RAPGEF2: variants seen among roughly 807,000 people sequenced by gnomAD.
RAPGEF2 encodes PDZ domain containing guanine nucleotide exchange factor (GEF) 1.
A neutral mutation model predicts 186.7 loss-of-function variants in RAPGEF2; 54 were observed. That is an observed-to-expected ratio of 0.29 (90% CI 0.23 to 0.36). RAPGEF2 has a LOEUF of 0.36. Ranked by LOEUF, RAPGEF2 falls within the 10% of genes least tolerant of loss-of-function variation. The pLI, the probability that RAPGEF2 is intolerant of heterozygous loss-of-function variation, is 1.00. For synonymous variants in RAPGEF2, 712 were observed against 705.9 expected (o/e 1.01, Z -0.14); for missense variants, 1,532 against 2,045.0 (o/e 0.75, Z 4.84).
intron 1 of RAPGEF2, among the ~76,000 whole-genome samples, chr4:159,172,373 T>TC (rs1415466563): frequency 1.3e-5 from 2 of 152,194 alleles, no homozygotes; most frequent in Non-Finnish European, 2.9e-5. Flanking sequence ...TGGGAACCGT[T>TC]CTCCTACCTT....
At chr4:159,315,425 T>A (rs1764456449) in intron 9 of RAPGEF2, among the ~76,000 whole-genome samples, 1 of 152,128 alleles carries the variant, frequency 6.6e-6, no homozygotes, top group Non-Finnish European at 1.5e-5. Context: ...CCTAGTACCC[T>A]GTAGGGACCA....
chr4:159,227,393 T>G (rs1752154820), intron 4 of RAPGEF2, among the ~76,000 whole-genome samples: 1 of 152,276 alleles, frequency 6.6e-6, no homozygotes, highest in South Asian at 2.1e-4. Flanking sequence ...AGCTTCCTTG[T>G]CTATACAACT....
chr4:159,252,133 G>A (rs1417175403), intron 7 of RAPGEF2, among the ~76,000 whole-genome samples: 1 of 152,010 alleles, frequency 6.6e-6, no homozygotes, highest in Non-Finnish European at 1.5e-5. Context: ...CACCAATTCC[G>A]GAGACACAAC....
At chr4:159,162,523 G>C (rs915079293) in intron 1 of RAPGEF2, among the ~76,000 whole-genome samples, 1 of 152,024 alleles carries the variant, frequency 6.6e-6, no homozygotes, top group Non-Finnish European at 1.5e-5. Flanking sequence ...ATTCAGGTTT[G>C]TTGTATATAT....
chr4:159,112,001 C>A (rs549414696), intron 1 of RAPGEF2, among the ~76,000 whole-genome samples: 1 of 152,334 alleles, frequency 6.6e-6, no homozygotes, highest in Admixed American at 6.5e-5. Context: ...CCCACCCCAC[C>A]TCTGGGGATC....
intron 26 of RAPGEF2, chr4:159,351,302 C>CA: frequency 1.1e-6 from 1 of 895,496 alleles, no homozygotes; most frequent in Non-Finnish European, 1.5e-6. Context: ...TTTTCTGAAA[C>CA]TTTTTTTTTT....
Position 159,253,180 on chromosome 4 carries a change from T to C in RAPGEF2, c.543+9389T>C, listed in dbSNP as rs532966807. ...AACAGCTTTCAAAAATAAATGTGGGTGTTCTTTCAAAGACTGCACCAAAAT... is the reference window on the plus strand; with the variant it reads ...AACAGCTTTCAAAAATAAATGTGGGCGTTCTTTCAAAGACTGCACCAAAAT... On this transcript the variant is annotated intron_variant, in intron 7 of 29. Transcript: ENST00000691494. 9.2e-5 allele frequency among the ~76,000 whole-genome samples: 14 copies of C among 152,314 alleles called. No homozygotes were observed. The South Asian group carries it at 2.7e-3, about 29-fold the overall frequency.
intron 7 of RAPGEF2, among the ~76,000 whole-genome samples, chr4:159,246,714 A>C (rs1230157906): frequency 1.3e-5 from 2 of 152,192 alleles, no homozygotes; most frequent in Admixed American, 6.5e-5. Flanking sequence ...TTATGTTCTT[A>C]AATAAGAAGT....
In RAPGEF2 at chr4:159,343,157, G is replaced by A; in HGVS notation, c.3097G>A (p.Val1033Ile). 6.2e-7 allele frequency: 1 copy of A among 1,614,004 alleles called. No individual in the cohort carries two copies. The highest frequency in any genetic ancestry group is 1.1e-5 in the South Asian group (1 of 91,074). The change falls in exon 21 of 30, where the codon GTT becomes ATT. Residue 1033 changes from valine to isoleucine, a missense_variant. Around this residue, in one of 4 missense-constraint regions of RAPGEF2, gnomAD observed 11 missense variants for 45.2 expected, o/e 0.24. Transcript: ENST00000691494. ...LQPPIIPLFP[V>I]IKKDLTFLHE... ...ACCTCCCATAATCCCTCTATTCCCA[G>A]TTATCAAAAAGGATCTCACCTTCCT... is the stretch of plus-strand genomic sequence containing the variant.
chr4:159,296,004 A>G (rs751475187), intron 7 of RAPGEF2, among the ~76,000 whole-genome samples: 7 of 152,130 alleles, frequency 4.6e-5, no homozygotes, highest in African/African-American at 7.3e-5. Context: ...TATAATTCAC[A>G]TGATGGAATT....
intron 4 of RAPGEF2, among the ~76,000 whole-genome samples, chr4:159,228,731 A>C (rs1210236740): frequency 1.3e-5 from 2 of 152,192 alleles, no homozygotes; most frequent in African/African-American, 4.8e-5. Flanking sequence ...CACACATGTA[A>C]ATTATATATG....
At chr4:159,119,437 A>C (rs1739421457) in intron 1 of RAPGEF2, among the ~76,000 whole-genome samples, 1 of 152,136 alleles carries the variant, frequency 6.6e-6, no homozygotes, top group Non-Finnish European at 1.5e-5. Context: ...AAATTTGAGT[A>C]TTTTGCTTTT....
At chr4:159,340,515 TTC>T (rs1386104439) in intron 19 of RAPGEF2, among the ~76,000 whole-genome samples, 1 of 152,176 alleles carries the variant, frequency 6.6e-6, no homozygotes, top group African/African-American at 2.4e-5. Context: ...AGTATATATT[TTC>T]TGTTATATGT....
In RAPGEF2 at chr4:159,196,993, G is replaced by A. The variant is rs535768408; in HGVS notation, c.197+3737G>A. ...GAAAATTAGCTCAACTTTACAGAAT[G>A]GAAAAGCCTATCAGGTAATTTCTGC... On this transcript the variant is annotated intron_variant, in intron 3 of 29. Transcript: ENST00000691494. Among the ~76,000 whole-genome samples, 124 of 152,302 alleles carry A rather than the reference G, an allele frequency of 8.1e-4. 1 individual carries two copies. In the Middle Eastern group the frequency reaches 0.027, roughly 33 times the overall value.
chr4:159,290,815 A>G (rs2110954832), intron 7 of RAPGEF2, among the ~76,000 whole-genome samples: 1 of 152,212 alleles, frequency 6.6e-6, no homozygotes, highest in South Asian at 2.1e-4. Context: ...GTTTATGAGT[A>G]TATATTCCTG....
At chr4:159,323,401 C>A in intron 10 of RAPGEF2, 58 bp from the exon 11 acceptor site, 1 of 1,398,592 alleles carries the variant, frequency 7.2e-7, no homozygotes, top group Non-Finnish European at 9.6e-7. Context: ...CATACTGGCA[C>A]TTACAGCTGT....
chr4:159,193,974 A>G (rs920985655), intron 3 of RAPGEF2, among the ~76,000 whole-genome samples: 68 of 152,334 alleles, frequency 4.5e-4, no homozygotes, highest in African/African-American at 1.6e-3. Context: ...GAAGGTAGAA[A>G]TAGAATACAA....
chr4:159,299,063 A>T (rs1465804951), intron 7 of RAPGEF2, among the ~76,000 whole-genome samples: 1 of 152,202 alleles, frequency 6.6e-6, no homozygotes, highest in African/African-American at 2.4e-5. Context: ...TAAAAACGTG[A>T]ACATAAAGAC....
intron 2 of RAPGEF2, among the ~76,000 whole-genome samples, chr4:159,189,699 A>G (rs1042284444): frequency 1.4e-4 from 21 of 152,252 alleles, no homozygotes; most frequent in African/African-American, 4.8e-4. Flanking sequence ...AATATGCTTC[A>G]GCTAAAACAT....
Sources: allele counts gnomAD v4.1 joint callset (sites outside exome capture counted in the v4.1 genomes callset), GRCh38; gene constraint gnomAD v4.1.1; regional missense constraint gnomAD v4.1.1; transcripts MANE v1.5; gene names NCBI Gene and HGNC (gene_info 2026-07-23, HGNC 2026-07-21).